The following FAM186B variants were observed in gnomAD, a reference collection of about 807,000 sequenced individuals.
The protein encoded by FAM186B is family with sequence similarity 186 member B, also known as protein FAM186B.
In FAM186B, 68 loss-of-function variants were observed where a neutral mutation model predicts 83.4. The ratio of observed to expected loss-of-function variants is 0.81; its 90% CI spans 0.67 to 1.00. The LOEUF (loss-of-function observed/expected upper bound fraction) is 1.00, where lower values mean the gene tolerates loss of function less well. FAM186B is among the 50% of genes least tolerant of loss of function. The pLI, the probability that FAM186B is intolerant of heterozygous loss-of-function variation, is 0.00. For missense variants in FAM186B, 983 were observed against 1,099.2 expected (o/e 0.89, Z 1.49); for synonymous variants, 389 against 422.0 (o/e 0.92, Z 0.96).
chr12:49,586,285 TA>T (rs1473275527), downstream of FAM186B, among the ~76,000 whole-genome samples: 1 of 152,118 alleles, frequency 6.6e-6, no homozygotes, highest in African/African-American at 2.4e-5. Flanking sequence ...GAAGGAATTT[TA>T]GAATTGTGCA....
At chr12:49,586,154 A>G (rs1292393395), downstream of FAM186B, among the ~76,000 whole-genome samples, 1 of 152,226 alleles carries the variant, frequency 6.6e-6, no homozygotes, top group East Asian at 1.9e-4. Context: ...TCTTCATCTA[A>G]GTTCCCTTAG....
chr12:49,619,611 C>G, the FAM186B span: 2 of 611,004 alleles, frequency 3.3e-6, no homozygotes, highest in Non-Finnish European at 6.1e-6. Context: ...AAACCTACAC[C>G]GTAGAAGAAA....
Position 49,587,742 on chromosome 12 carries a change from T to A in FAM186B, c.2545A>T (p.Lys849Ter), listed in dbSNP as rs1318906597. Residue 849 changes from lysine (K) to a stop codon, truncating the protein, a stop_gained, in exon 7 of 7, where the codon AAG becomes TAG. Transcript: ENST00000257894. LOFTEE classifies it low-confidence loss of function (END_TRUNC). ...GTCTTCCAGACAGCCTCCATCTGCT[T>A]CCCCTGTTGGCTGGGAGTGGGGAGT... Reference protein sequence around the residue: ...VPLQMARQQGKQMEAVWKTEV... With the variant: ...VPLQMARQQG 1 of 1,612,700 alleles carries A rather than the reference T, an allele frequency of 6.2e-7. No homozygotes were observed. Among genetic ancestry groups the A allele is most frequent in the Non-Finnish European group, 8.5e-7 (1 of 1,179,454 alleles).
At chr12:49,603,949 G>C (rs754906724) in intron 2 of FAM186B, among the ~76,000 whole-genome samples, 2 of 152,184 alleles carry the variant, frequency 1.3e-5, no homozygotes, top group Non-Finnish European at 2.9e-5. Flanking sequence ...CACCCAAATG[G>C]CTGCACCAGT....
At chr12:49,615,429 T>C in the FAM186B span, among the ~76,000 whole-genome samples, 4 of 152,200 alleles carry the variant, frequency 2.6e-5, no homozygotes, top group Admixed American at 1.3e-4. Context: ...CCAGAATAGA[T>C]AAAGAGCTAC....
At chr12:49,595,436 G>A (rs1011188608) in intron 5 of FAM186B, 15 of 505,010 alleles carry the variant, frequency 3.0e-5, no homozygotes, top group African/African-American at 2.9e-4. Flanking sequence ...GCCACTATCT[G>A]TGCAGGTCCT....
the FAM186B span, chr12:49,619,333 T>C: frequency 2.8e-6 from 1 of 356,790 alleles, no homozygotes; most frequent in Non-Finnish European, 5.0e-6. Flanking sequence ...AAGCAATCAC[T>C]GTGTCAACAA....
chr12:49,600,861 T>C lies in FAM186B; in HGVS notation c.779A>G (p.Lys260Arg). ...QHKENRSLET[K>R]YRHLQMQATK... ...CGCCTGCATTTGCAGGTGCCTGTAT[T>C]TGGTCTCCAGGCTCCTGTTCTCCTT... Residue 260 changes from lysine to arginine, a missense_variant, in exon 4 of 7, where the codon AAA becomes AGA. By Grantham distance (26) the Lys-to-Arg change is conservative. Transcript: ENST00000257894. This position sits in a 1 kb window ranked among gnomAD's most constrained non-coding sequence, Gnocchi z 4.3. 3 of 1,613,568 alleles carry C rather than the reference T, an allele frequency of 1.9e-6. No individual in the cohort carries two copies. Among genetic ancestry groups the C allele is most frequent in the Non-Finnish European group, 1.7e-6 (2 of 1,179,824 alleles).
intron 2 of FAM186B, among the ~76,000 whole-genome samples, chr12:49,603,655 G>T (rs1939947663): frequency 6.6e-6 from 1 of 152,202 alleles, no homozygotes; most frequent in Admixed American, 6.5e-5. Context: ...CAGCAGGGAG[G>T]TATCTGACTT....
intron 6 of FAM186B, 45 bp from the exon 7 acceptor site, chr12:49,587,797 A>T: frequency 1.9e-6 from 3 of 1,577,858 alleles, no homozygotes; most frequent in Non-Finnish European, 2.6e-6. Context: ...ACAGAGAGAG[A>T]TTGAGATGCA....
downstream of FAM186B, among the ~76,000 whole-genome samples, chr12:49,586,325 G>A (rs543175897): frequency 2.6e-5 from 4 of 152,326 alleles, no homozygotes; most frequent in African/African-American, 9.6e-5. Context: ...GGGAAAGAGG[G>A]AAGAAAGGAG....
intron 5 of FAM186B, among the ~76,000 whole-genome samples, chr12:49,591,664 C>T (rs1939583555): frequency 6.6e-6 from 1 of 152,084 alleles, no homozygotes; most frequent in Non-Finnish European, 1.5e-5. Flanking sequence ...ATTCTTTTCC[C>T]TTTGCTTAAG....
Position 49,599,971 on chromosome 12 carries a change from T to A in FAM186B, c.1669A>T (p.Arg557Trp). The change falls in exon 4 of 7, where the codon AGG becomes TGG. Residue 557 changes from arginine to tryptophan, a missense_variant. By Grantham distance (101) the Arg-to-Trp change is moderately radical (BLOSUM62 -3). Transcript: ENST00000257894. ...CGACTGGTGGGTGTGAAGATCCTCC[T>A]CTCCACATCCTCCCCTAGCTGCTCT... ...EPEQLGEDVERRIFTPTSRWR... is the reference protein window; with the variant it reads ...EPEQLGEDVEWRIFTPTSRWR... 6.2e-7 allele frequency: 1 copy of A among 1,613,832 alleles called. No individual in the cohort carries two copies. The highest frequency in any genetic ancestry group is 2.2e-5 in the East Asian group (1 of 44,876).
intron 5 of FAM186B, among the ~76,000 whole-genome samples, chr12:49,589,894 T>C (rs1420823630): frequency 6.7e-6 from 1 of 150,176 alleles, no homozygotes; most frequent in African/African-American, 2.5e-5. Flanking sequence ...GGCAGGAAAA[T>C]TGCTTGAACG....
intron 3 of FAM186B, among the ~76,000 whole-genome samples, chr12:49,601,880 C>T (rs1939903768): frequency 6.6e-6 from 1 of 152,084 alleles, no homozygotes; most frequent in Non-Finnish European, 1.5e-5. Context: ...GTGGAAAAAA[C>T]AATGCTAACT....
chr12:49,599,365 C>A, intron 4 of FAM186B, 104 bp downstream of exon 4: 1 of 1,418,134 alleles, frequency 7.1e-7, no homozygotes, highest in South Asian at 1.8e-5. Flanking sequence ...TGGGGTGGCT[C>A]TCCCCATCCC....
chr12:49,600,293 C>G lies in FAM186B; in HGVS notation c.1347G>C (p.Gln449His). The G allele has an allele frequency of 1.9e-6, 3 of 1,614,222 alleles. No individual in the cohort carries two copies. Among genetic ancestry groups the G allele is most frequent in the Non-Finnish European group, 2.5e-6 (3 of 1,180,038 alleles). Residue 449 changes from glutamine (Q) to histidine (H), a missense_variant, in exon 4 of 7, where the codon CAG becomes CAC. Gln to His is a conservative substitution (Grantham distance 24). Transcript: ENST00000257894. This position sits in a 1 kb window ranked among gnomAD's most constrained non-coding sequence, Gnocchi z 4.3. ...HKDKDQEDYF[Q>H]KGGLQIKFHC... ...GGAACTTAATTTGGAGTCCTCCCTT[C>G]TGGAAGTAGTCCTCCTGGTCTTTGT...
intron 5 of FAM186B, among the ~76,000 whole-genome samples, chr12:49,589,711 G>C (rs1242152008): frequency 6.6e-6 from 1 of 151,800 alleles, no homozygotes; most frequent in Non-Finnish European, 1.5e-5. Flanking sequence ...GGCTGGGCGC[G>C]GTGGCTCATG....
the FAM186B span, among the ~76,000 whole-genome samples, chr12:49,615,473 T>A: frequency 6.6e-6 from 1 of 152,070 alleles, no homozygotes; most frequent in Non-Finnish European, 1.5e-5. Flanking sequence ...AACCCAAGAT[T>A]CAAATACACA....
Sources: allele counts gnomAD v4.1 joint callset (sites outside exome capture counted in the v4.1 genomes callset), GRCh38; gene constraint gnomAD v4.1.1; non-coding constraint Gnocchi (gnomAD v3.1); transcripts MANE v1.5; gene names NCBI Gene and HGNC (gene_info 2026-07-23, HGNC 2026-07-21).